PTPDC1: variants seen among roughly 807,000 people sequenced by gnomAD.
PTPDC1 encodes protein tyrosine phosphatase domain-containing protein 1.
PTPDC1 carries 53 observed loss-of-function variants against 75.3 expected under a neutral mutation model. The ratio of observed to expected loss-of-function variants is 0.70; its 90% CI spans 0.56 to 0.88. The LOEUF is 0.88. Ranked by LOEUF, PTPDC1 falls within the 40% of genes least tolerant of loss-of-function variation. PTPDC1 has a pLI of 0.00. For missense variants in PTPDC1, 925 were observed against 998.6 expected, an observed-to-expected ratio of 0.93 and a Z score of 0.99; for synonymous variants, 349 against 366.2, an observed-to-expected ratio of 0.95 and a Z score of 0.54.
In PTPDC1 at chr9:94,066,611, G is replaced by A. The variant is rs111555003; in HGVS notation, c.82+1790G>A. On this transcript the variant is annotated intron_variant, in intron 2 of 9. Transcript: ENST00000375360. ...CTCACTCTGTTGCCTAGGCTGGAGG[G>A]CAGTGATGCAATCTTGGCTCACTGC... Among the ~76,000 whole-genome samples the A allele has an allele frequency of 5.6e-3, 857 of 152,048 alleles. 8 individuals carry two copies. The highest frequency in any genetic ancestry group is 0.016 in the African/African-American group (682 of 41,466).
chr9:94,054,477 G>A (rs1296405242), intron 1 of PTPDC1, among the ~76,000 whole-genome samples: 2 of 152,180 alleles, frequency 1.3e-5, no homozygotes, highest in Non-Finnish European at 2.9e-5. Context: ...CTATTAAAAT[G>A]TGTTGGGATT....
intron 1 of PTPDC1, among the ~76,000 whole-genome samples, chr9:94,054,104 C>A (rs72757570): frequency 0.01 from 1,579 of 152,306 alleles, 17 homozygotes; most frequent in Middle Eastern, 0.048. Context: ...AAAATCTATT[C>A]CCTCATGGAG....
exon 2 of PTPDC1, chr9:94,064,772 A>G (rs751794912): frequency 6.8e-6 from 11 of 1,613,762 alleles, no homozygotes; most frequent in Non-Finnish European, 3.4e-6. Flanking sequence ...AGAATGAACA[A>G]CCATATTCTA....
intron 4 of PTPDC1, among the ~76,000 whole-genome samples, chr9:94,091,735 C>A (rs1348676200): frequency 2.6e-5 from 4 of 152,148 alleles, no homozygotes; most frequent in Non-Finnish European, 4.4e-5. Context: ...GGTTGGTAAG[C>A]TATTGATTAT....
intron 2 of PTPDC1, among the ~76,000 whole-genome samples, chr9:94,069,911 G>A (rs567845740): frequency 5.6e-5 from 8 of 141,724 alleles, no homozygotes; most frequent in South Asian, 2.2e-4. Context: ...TGCAACCTCC[G>A]CCTCCCGGGT....
intron 1 of PTPDC1, among the ~76,000 whole-genome samples, chr9:94,051,274 A>C (rs775204290): frequency 2.6e-5 from 4 of 152,192 alleles, no homozygotes; most frequent in African/African-American, 4.8e-5. Context: ...TCAGTTGGAA[A>C]TGCAGAAATC....
At chr9:94,094,763 G>A (rs75260800) in intron 4 of PTPDC1, among the ~76,000 whole-genome samples, 9 of 151,990 alleles carry the variant, frequency 5.9e-5, no homozygotes, top group Admixed American at 1.3e-4. Flanking sequence ...AGCCAGGTGC[G>A]GGATATAATC....
chr9:94,036,461 C>G (rs1223384596), intron 1 of PTPDC1, among the ~76,000 whole-genome samples: 2 of 152,006 alleles, frequency 1.3e-5, no homozygotes, highest in African/African-American at 4.8e-5. Context: ...TATCCTTTCC[C>G]CATCATGTAC....
chr9:94,102,342 TA>T (rs1827870692), intron 7 of PTPDC1, among the ~76,000 whole-genome samples: 2 of 150,904 alleles, frequency 1.3e-5, no homozygotes, highest in African/African-American at 4.9e-5. Context: ...ATGTTTTCTA[TA>T]TTTTATATAT....
intron 4 of PTPDC1, among the ~76,000 whole-genome samples, chr9:94,088,564 A>C (rs1047422972): frequency 3.1e-4 from 47 of 152,264 alleles, no homozygotes; most frequent in Non-Finnish European, 2.9e-5. Context: ...GTGTAACAAA[A>C]TTATTATTTC....
In PTPDC1 at chr9:94,098,452, C is replaced by A. The variant is rs576385447; in HGVS notation, c.1886C>A (p.Ala629Asp). 10 of 1,614,186 alleles carry A rather than the reference C, an allele frequency of 6.2e-6. No homozygotes were observed. Among genetic ancestry groups the A allele is most frequent in the Middle Eastern group, 1.6e-4 (1 of 6,062 alleles). The change falls in exon 6 of 9, where the codon GCT (alanine) becomes GAT (aspartate). Residue 629 changes from alanine to aspartate, a missense_variant. Coordinates refer to ENST00000620992, the MANE Select transcript of PTPDC1 (RefSeq NM_001253829.2). The part of the protein sequence containing the change: ...TQDSKDLSEA[A>D]SHSALQSELS... ...GACAGTAAAGATCTGTCTGAAGCAG[C>A]TTCACACTCTGCATTACAGTCTGAA...
rs1396891829 is a variant in PTPDC1 at position 94,101,451 on chromosome 9, C to T, written c.2014-115C>T. ...GGGTCCCAGTTCTGCACTCTGGAGC[C>T]TGAGTCTTTCACTCTTGTGGGCAGC... On this transcript the variant is annotated intron_variant, in intron 6 of 8. Coordinates refer to ENST00000620992, the MANE Select transcript of PTPDC1 (RefSeq NM_001253829.2). 6 of 720,592 alleles carry T rather than the reference C, an allele frequency of 8.3e-6. No individual in the cohort carries two copies. The African/African-American group carries it at 9.0e-5, about 11-fold the overall frequency. 44.6% of individuals were successfully genotyped at this position (720,592 alleles called of 1,614,324 possible). A position where few individuals can be genotyped will look rare whatever the true frequency, so the allele number is the denominator to read the frequency against.
chr9:94,072,197 G>A (rs1045475390), intron 2 of PTPDC1, among the ~76,000 whole-genome samples: 4 of 152,188 alleles, frequency 2.6e-5, no homozygotes, highest in Non-Finnish European at 4.4e-5. Flanking sequence ...TAGCAGAGAC[G>A]GTTTCGCCAT....
At chr9:94,091,808 T>C (rs1827332129) in intron 4 of PTPDC1, among the ~76,000 whole-genome samples, 1 of 152,172 alleles carries the variant, frequency 6.6e-6, no homozygotes. Context: ...TGGTTTAGTC[T>C]TGGGAGAGTT....
intron 2 of PTPDC1, among the ~76,000 whole-genome samples, chr9:94,069,670 G>A (rs902686486): frequency 1.3e-5 from 2 of 151,396 alleles, no homozygotes; most frequent in African/African-American, 4.9e-5. Flanking sequence ...ACAGGCACCC[G>A]CCACTGCGCC....
chr9:94,082,686 T>C (rs1826925224), upstream of PTPDC1, among the ~76,000 whole-genome samples: 1 of 152,198 alleles, frequency 6.6e-6, no homozygotes, highest in Non-Finnish European at 1.5e-5. Context: ...AAGGGCTGCT[T>C]TCACCTTGCA....
intron 1 of PTPDC1, among the ~76,000 whole-genome samples, chr9:94,058,546 A>G (rs1479324148): frequency 1.3e-5 from 2 of 151,116 alleles, no homozygotes; most frequent in African/African-American, 2.4e-5. Context: ...TGAAAAAAAA[A>G]AAATACAAAA....
rs1278084358 is a variant in PTPDC1 at position 94,101,752 on chromosome 9, G to A, written c.2199+1G>A. 6.2e-7 allele frequency: 1 copy of A among 1,602,810 alleles called. No homozygotes were observed. The highest frequency in any genetic ancestry group is 1.7e-5 in the Admixed American group (1 of 59,416). ...AGAAGCACTTTTTTTATTAGAGAAG[G>A]TAAAGTGGCTGTAGGACCAGTTAAT... On this transcript the variant is annotated splice_donor_variant, in intron 7 of 8. Transcript: ENST00000620992. LOFTEE classifies it high-confidence loss of function.
At chr9:94,069,126 G>A (rs1826420569) in intron 2 of PTPDC1, among the ~76,000 whole-genome samples, 1 of 152,174 alleles carries the variant, frequency 6.6e-6, no homozygotes, top group Non-Finnish European at 1.5e-5. Flanking sequence ...ATATAACCAA[G>A]ATCTGGTATG....
Sources: allele counts gnomAD v4.1 joint callset (sites outside exome capture counted in the v4.1 genomes callset), GRCh38; gene constraint gnomAD v4.1.1; transcripts MANE v1.5; gene names NCBI Gene and HGNC (gene_info 2026-07-23, HGNC 2026-07-21).